Variants in PRPSAP2 observed in about 807,000 individuals in gnomAD.
PRPSAP2 encodes the protein phosphoribosyl pyrophosphate synthase-associated protein 2.
A neutral mutation model predicts 40.6 loss-of-function variants in PRPSAP2; 24 were observed. That is an observed-to-expected ratio of 0.59 (90% confidence interval 0.43 to 0.83). PRPSAP2 has a LOEUF of 0.83. Among genes scored for constraint, PRPSAP2 ranks in the 40% least tolerant of loss-of-function variants. PRPSAP2 has a pLI of 0.00. For synonymous variants in PRPSAP2, 149 were observed against 164.7 expected (o/e 0.90, Z 0.73); for missense variants, 292 against 465.6 (o/e 0.63, Z 3.43).
At chr17:18,885,448 G>A (rs534653116) in intron 7 of PRPSAP2, among the ~76,000 whole-genome samples, 1 of 147,488 alleles carries the variant, frequency 6.8e-6, no homozygotes, top group East Asian at 2.0e-4. Context: ...TGGGAACTCA[G>A]TGTTAAAAAG....
intron 6 of PRPSAP2, among the ~76,000 whole-genome samples, chr17:18,880,555 GC>G (rs1305017260): frequency 1.3e-5 from 2 of 152,148 alleles, no homozygotes; most frequent in South Asian, 4.1e-4. Context: ...CTACAGGCAT[GC>G]ATCACCATAC....
At chr17:18,894,119 C>G (rs961830577) in intron 8 of PRPSAP2, among the ~76,000 whole-genome samples, 1 of 151,250 alleles carries the variant, frequency 6.6e-6, no homozygotes, top group Non-Finnish European at 1.5e-5. Context: ...TCCCAAAGTG[C>G]TGGGATTACA....
intron 9 of PRPSAP2, among the ~76,000 whole-genome samples, chr17:18,912,936 C>T (rs1331861660): frequency 6.6e-6 from 1 of 152,220 alleles, no homozygotes; most frequent in African/African-American, 2.4e-5. Context: ...CTTAAGTTGA[C>T]TCAAAGCCCC....
chr17:18,870,038 G>A (rs1393751142), intron 4 of PRPSAP2, among the ~76,000 whole-genome samples: 3 of 151,786 alleles, frequency 2.0e-5, no homozygotes, highest in Admixed American at 6.6e-5. Flanking sequence ...TGGTGGAGAC[G>A]GGCTTTCACC....
chr17:18,911,088 G>T lies in PRPSAP2; in HGVS notation c.585-15G>T. 6.3e-7 allele frequency: 1 copy of T among 1,595,260 alleles called. No individual in the cohort carries two copies. The highest frequency in any genetic ancestry group is 8.6e-7 in the Non-Finnish European group (1 of 1,167,556). ...CTGCATGAGTTTTGAGCTTGTGTCT[G>T]GTGTTTTCCCTCAGGGCACAGTCTT... On this transcript the variant is annotated splice_polypyrimidine_tract_variant and intron_variant, in intron 8 of 11. Transcript: ENST00000268835. This position sits in a 1 kb window ranked among gnomAD's most constrained non-coding sequence, Gnocchi z 4.5.
chr17:18,908,533 C>T (rs7223231), intron 8 of PRPSAP2: 262,414 of 750,182 alleles, frequency 0.35, 47,057 homozygotes, highest in Non-Finnish European at 0.38. Flanking sequence ...TCTGCCTCCT[C>T]ATGCGGAGGG....
intron 7 of PRPSAP2, among the ~76,000 whole-genome samples, chr17:18,886,849 A>G (rs1471061424): frequency 1.3e-5 from 2 of 149,754 alleles, no homozygotes; most frequent in Non-Finnish European, 3.0e-5. Context: ...AGTGATGAAT[A>G]TTTGATTCAT....
intron 9 of PRPSAP2, among the ~76,000 whole-genome samples, chr17:18,919,647 C>T (rs1274417019): frequency 2.6e-5 from 4 of 152,174 alleles, no homozygotes; most frequent in East Asian, 1.9e-4. Context: ...GCCTGTGTGA[C>T]AGAGTGAGAC....
chr17:18,901,360 C>A (rs1179077830), intron 8 of PRPSAP2, among the ~76,000 whole-genome samples: 1 of 151,956 alleles, frequency 6.6e-6, no homozygotes, highest in African/African-American at 2.4e-5. Flanking sequence ...TGCTAGTCTG[C>A]CTTCTCTCTA....
At chr17:18,860,016 T>A (rs2036883997) in intron 1 of PRPSAP2, among the ~76,000 whole-genome samples, 1 of 152,088 alleles carries the variant, frequency 6.6e-6, no homozygotes, top group South Asian at 2.1e-4. Context: ...AGTGCTGGGA[T>A]TACAAGCGTG....
intron 10 of PRPSAP2, among the ~76,000 whole-genome samples, chr17:18,927,990 C>T (rs1316776698): frequency 6.6e-6 from 1 of 151,986 alleles, no homozygotes; most frequent in Non-Finnish European, 1.5e-5. Flanking sequence ...CGTCATGTTG[C>T]TCAGGCTGGT....
chr17:18,918,884 T>C (rs1399543965), intron 9 of PRPSAP2, among the ~76,000 whole-genome samples: 1 of 152,248 alleles, frequency 6.6e-6, no homozygotes, highest in African/African-American at 2.4e-5. Context: ...TGGTAATATT[T>C]TGATATGTTG....
chr17:18,859,194 ATAAT>A (rs2036820857), intron 1 of PRPSAP2: 1 of 152,140 alleles, frequency 6.6e-6, no homozygotes, highest in African/African-American at 2.4e-5. Context: ...TTTCCTTGGG[ATAAT>A]TACCCGAAGT....
intron 11 of PRPSAP2, chr17:18,929,750 G>GT (rs1386117099): frequency 6.6e-6 from 1 of 152,046 alleles, no homozygotes; most frequent in Non-Finnish European, 1.5e-5. Flanking sequence ...CTCTCTCTTC[G>GT]TATTTCATGT....
intron 8 of PRPSAP2, chr17:18,908,402 G>A (rs960075729): frequency 1.3e-6 from 1 of 762,384 alleles, no homozygotes; most frequent in African/African-American, 1.7e-5. Context: ...GGAGGAAGAT[G>A]AAGAACTTTT....
intron 4 of PRPSAP2, among the ~76,000 whole-genome samples, chr17:18,869,309 A>C (rs920154209): frequency 2.0e-5 from 3 of 150,074 alleles, no homozygotes; most frequent in African/African-American, 4.9e-5. Flanking sequence ...GATCTCCCTG[A>C]CTCTAAAGCT....
chr17:18,890,720 A>C lies in PRPSAP2; in HGVS notation c.584+843A>C, dbSNP rs573958933. On this transcript the variant is annotated intron_variant, in intron 8 of 11. Transcript: ENST00000268835. Reference sequence around the variant, plus strand: ...GTCAGTCTTTGAGTCTGGCGTTTACAGTACTGGCGAATATTTACAGTACTA... The same window carrying C: ...GTCAGTCTTTGAGTCTGGCGTTTACCGTACTGGCGAATATTTACAGTACTA... Among the ~76,000 whole-genome samples the C allele has an allele frequency of 5.3e-5, 8 of 152,336 alleles. No homozygotes were observed. In the South Asian group the frequency reaches 1.7e-3, roughly 32 times the overall value.
intron 9 of PRPSAP2, among the ~76,000 whole-genome samples, chr17:18,913,042 C>G (rs988169179): frequency 1.3e-5 from 2 of 152,226 alleles, no homozygotes; most frequent in African/African-American, 4.8e-5. Context: ...CAGCAGCTCT[C>G]AGTCACTGGA....
intron 8 of PRPSAP2, among the ~76,000 whole-genome samples, chr17:18,894,135 G>A (rs1313227797): frequency 6.6e-6 from 1 of 151,542 alleles, no homozygotes; most frequent in Non-Finnish European, 1.5e-5. Flanking sequence ...TTACAGACGT[G>A]AGCCACCATG....
Sources: gnomAD v4.1 joint callset for allele counts (sites outside exome capture counted in the v4.1 genomes callset) on GRCh38, gnomAD v4.1.1 for gene constraint, Gnocchi (gnomAD v3.1) non-coding constraint, MANE v1.5 for transcripts, NCBI Gene and HGNC (gene_info 2026-07-23, HGNC 2026-07-21) for gene names.